ETV3: variants seen among roughly 807,000 people sequenced by gnomAD.
The protein encoded by ETV3 is ETS variant transcription factor 3.
Under a neutral mutation model 33.0 loss-of-function variants are expected in ETV3, and 8 were observed. The ratio of observed to expected loss-of-function variants is 0.24; its 90% CI spans 0.14 to 0.44. The LOEUF is 0.44. Among genes scored for constraint, ETV3 ranks in the 20% least tolerant of loss-of-function variants. The pLI is 1.00. For synonymous variants in ETV3, 222 were observed against 238.9 expected, an observed-to-expected ratio of 0.93 and a Z score of 0.65; for missense variants, 473 against 652.3, an observed-to-expected ratio of 0.73 and a Z score of 2.99.
In ETV3 at chr1:157,122,668, G is replaced by A. The variant is rs1674730586; in HGVS notation, c.*2173C>T. On this transcript the variant is annotated 3_prime_UTR_variant, in exon 5 of 5. Transcript: ENST00000368192. ...CACCTGCTAGCTCTCCCCTCTAGCG[G>A]ACAGTGGGTGGCCAGCCAGCCTCCC... 2 of 152,152 alleles carry A rather than the reference G, an allele frequency of 1.3e-5. No individual in the cohort carries two copies. Among genetic ancestry groups the A allele is most frequent in the African/African-American group, 4.8e-5 (2 of 41,424 alleles). 9.4% of individuals were successfully genotyped at this position (152,152 alleles called of 1,614,324 possible).
intron 1 of ETV3, among the ~76,000 whole-genome samples, chr1:157,138,040 G>A (rs1558033312): frequency 1.3e-5 from 2 of 152,138 alleles, no homozygotes; most frequent in East Asian, 1.9e-4. Flanking sequence ...GGCTTCCACA[G>A]CCCCCAGAAC....
chr1:157,128,611 G>T, intron 4 of ETV3: 1 of 230,756 alleles, frequency 4.3e-6, no homozygotes, highest in South Asian at 6.8e-5. Context: ...GATCTTTGCC[G>T]ACATTAAGGC....
intron 4 of ETV3, among the ~76,000 whole-genome samples, chr1:157,129,363 T>C (rs1674919040): frequency 6.6e-6 from 1 of 152,262 alleles, no homozygotes; most frequent in African/African-American, 2.4e-5. Flanking sequence ...TAATTCAGAC[T>C]AAGTTATAAT....
chr1:157,121,586 A>G lies in ETV3; in HGVS notation c.*3255T>C, dbSNP rs909568472. On this transcript the variant is annotated 3_prime_UTR_variant, in exon 5 of 5. Transcript: ENST00000368192. ...CTGGTAACTTTTTATCCCCCTAAGA[A>G]GAAACCAAGAATGGAACAGTTCTTG... The G allele has an allele frequency of 1.3e-5, 2 of 152,256 alleles. No individual in the cohort carries two copies. 9.4% of individuals were successfully genotyped at this position (152,256 alleles called of 1,614,324 possible). A position where few individuals can be genotyped will look rare whatever the true frequency, so the allele number is the denominator to read the frequency against.
intron 4 of ETV3, chr1:157,128,455 A>T (rs1332008629): frequency 1.8e-5 from 6 of 329,364 alleles, no homozygotes; most frequent in Non-Finnish European, 3.1e-5. Context: ...GACTGGGCCT[A>T]ATCTCCATGT....
chr1:157,127,129 C>T (rs1204135947), intron 4 of ETV3, among the ~76,000 whole-genome samples: 1 of 152,242 alleles, frequency 6.6e-6, no homozygotes, highest in African/African-American at 2.4e-5. Flanking sequence ...ATATAAAAAG[C>T]AAACAAACCA....
Position 157,125,924 on chromosome 1 carries a change from G to C in ETV3, c.456C>G (p.Phe152Leu), listed in dbSNP as rs1403780047. 8 of 1,551,632 alleles carry C rather than the reference G, an allele frequency of 5.2e-6. No individual in the cohort carries two copies. The change falls in exon 5 of 5, where the codon TTC becomes TTG. Residue 152 changes from phenylalanine to leucine, a missense_variant. Around this residue, in one of 3 missense-constraint regions of ETV3, gnomAD observed 410 missense variants for 520.2 expected, o/e 0.79. Transcript: ENST00000368192. The surrounding 1 kb of genome is among the most constrained non-coding windows in gnomAD (Gnocchi z 4.0). ...PVPTASSRFH[F>L]PPLDTHSPTN... The stretch of plus-strand genomic sequence containing the variant: ...TTGGAGAATGGGTGTCCAGAGGTGG[G>C]AAATGGAACCGGGAAGAGGCTGTTG...
In ETV3 at chr1:157,125,878, G is replaced by A. The variant is rs776355540; in HGVS notation, c.502C>T (p.Arg168Trp). The part of the protein sequence containing the change: ...HSPTNDVQPG[R>W]FSASSLTASG... ...GCAGTTAGGGAGCTAGCAGAGAACC[G>A]TCCCGGCTGCACATCATTGGTTGGA... is the stretch of plus-strand genomic sequence containing the variant. Residue 168 changes from arginine to tryptophan, a missense_variant, in exon 5 of 5, where the codon CGG (arginine) becomes TGG (tryptophan). Arg to Trp is a moderately radical substitution (Grantham distance 101). Transcript: ENST00000368192. This position sits in a 1 kb window ranked among gnomAD's most constrained non-coding sequence, Gnocchi z 4.0. 26 of 1,551,626 alleles carry A rather than the reference G, an allele frequency of 1.7e-5. No homozygotes were observed. The highest frequency in any genetic ancestry group is 4.1e-5 in the African/African-American group (3 of 73,030).
Position 157,125,325 on chromosome 1 carries a change from C to T in ETV3, c.1055G>A (p.Gly352Glu), listed in dbSNP as rs1674803857. ...CTCAACCCTCTCCCGGTTCTTCCGC[C>T]CAACTGGTGGGGGCTGCAGCTTGAT... ...FSIKLQPPPVGRKNRERVESS... is the reference protein window; with the variant it reads ...FSIKLQPPPVERKNRERVESS... Residue 352 changes from glycine (G) to glutamate (E), a missense_variant, in exon 5 of 5, where the codon GGG becomes GAG. Transcript: ENST00000368192. This position sits in a 1 kb window ranked among gnomAD's most constrained non-coding sequence, Gnocchi z 4.0. 1 of 1,551,846 alleles carries T rather than the reference C, an allele frequency of 6.4e-7. No homozygotes were observed. Among genetic ancestry groups the T allele is most frequent in the Non-Finnish European group, 8.7e-7 (1 of 1,147,072 alleles).
chr1:157,128,914 T>C (rs1674906779), intron 4 of ETV3, among the ~76,000 whole-genome samples: 1 of 152,250 alleles, frequency 6.6e-6, no homozygotes, highest in East Asian at 1.9e-4. Context: ...CTTCTAAATA[T>C]ATGACTGGAC....
intron 4 of ETV3, among the ~76,000 whole-genome samples, chr1:157,131,674 C>A (rs532616842): frequency 6.6e-6 from 1 of 152,284 alleles, no homozygotes; most frequent in South Asian, 2.1e-4. Context: ...CTGTCGTTTT[C>A]CTAATTTTAT....
At chr1:157,135,123 C>T (rs1675067726) in intron 3 of ETV3, 2 of 302,700 alleles carry the variant, frequency 6.6e-6, no homozygotes, top group Non-Finnish European at 1.2e-5. Context: ...GAAATTCTAA[C>T]AGATTCTAAT....
chr1:157,133,559 GAGA>G (rs1271983273), intron 4 of ETV3: 2 of 986,374 alleles, frequency 2.0e-6, no homozygotes, highest in Non-Finnish European at 2.4e-6. Flanking sequence ...CTTAACAGGA[GAGA>G]AGGTCAAGTA....
intron 3 of ETV3, 136 bp downstream of exon 3, chr1:157,135,335 C>A (rs2231853): frequency 5.6e-6 from 6 of 1,074,514 alleles, no homozygotes; most frequent in East Asian, 4.9e-5. Flanking sequence ...CTCTTCTACT[C>A]CCACTTTAAA....
At chr1:157,133,587 TTC>T in intron 4 of ETV3, 1 of 986,702 alleles carries the variant, frequency 1.0e-6, no homozygotes, top group African/African-American at 1.7e-5. Flanking sequence ...CAGAATCTTT[TTC>T]TCTGAGGATT....
intron 4 of ETV3, among the ~76,000 whole-genome samples, chr1:157,131,114 G>A (rs1279949200): frequency 2.0e-5 from 3 of 152,178 alleles, no homozygotes; most frequent in African/African-American, 7.2e-5. Context: ...CCTTCTTCCA[G>A]TATTCCTGTA....
At chr1:157,137,139 T>C (rs1475310335) in intron 1 of ETV3, among the ~76,000 whole-genome samples, 1 of 152,196 alleles carries the variant, frequency 6.6e-6, no homozygotes, top group Non-Finnish European at 1.5e-5. Context: ...CATCCAGATT[T>C]ACAGTTCCTC....
At chr1:157,128,585 T>C (rs769419183) in intron 4 of ETV3, 7 of 235,504 alleles carry the variant, frequency 3.0e-5, no homozygotes, top group Admixed American at 2.4e-4. Flanking sequence ...AAGAAGTACA[T>C]CCTTGGAACA....
At position 157,124,704 on chromosome 1, in the gene ETV3, A is replaced by C; in HGVS notation, c.*137T>G. The C allele has an allele frequency of 1.1e-6, 1 of 922,406 alleles. No individual in the cohort carries two copies. The highest frequency in any genetic ancestry group is 1.6e-6 in the Non-Finnish European group (1 of 639,492). The allele number at this position is 922,406 out of a possible 1,614,324, so 57.1% of individuals were successfully genotyped here. A position where few individuals can be genotyped will look rare whatever the true frequency, so the allele number is the denominator to read the frequency against. The stretch of plus-strand genomic sequence containing the variant: ...AGAAGATAACCCCATCCCATCCCCA[A>C]AACATAAAAATACAAGTCTATGCCC... On this transcript the variant is annotated 3_prime_UTR_variant, in exon 5 of 5. Transcript: ENST00000368192.
Sources: gnomAD v4.1 joint callset for allele counts (sites outside exome capture counted in the v4.1 genomes callset) on GRCh38, gnomAD v4.1.1 for gene constraint, gnomAD v4.1.1 regional missense constraint, Gnocchi (gnomAD v3.1) non-coding constraint, MANE v1.5 for transcripts, NCBI Gene and HGNC (gene_info 2026-07-23, HGNC 2026-07-21) for gene names.